NCAPG2: variants seen among roughly 807,000 people sequenced by gnomAD.
NCAPG2 encodes the protein condensin-2 complex subunit G2.
In NCAPG2, 53 loss-of-function variants were observed where a neutral mutation model predicts 141.1. That is an observed-to-expected ratio of 0.38 (90% CI 0.30 to 0.47). NCAPG2 has a LOEUF of 0.47. Among genes scored for constraint, NCAPG2 ranks in the 20% least tolerant of loss-of-function variants. The probability of loss-of-function intolerance (pLI) is 0.99; values close to 1 mark genes in which losing one functional copy is unlikely to be tolerated. For missense variants in NCAPG2, 1,087 were observed against 1,389.0 expected, an observed-to-expected ratio of 0.78 and a Z score of 3.46; for synonymous variants, 499 against 490.7, an observed-to-expected ratio of 1.02 and a Z score of -0.22.
chr7:158,663,593 G>C (rs895913048), intron 15 of NCAPG2, among the ~76,000 whole-genome samples: 2 of 152,226 alleles, frequency 1.3e-5, no homozygotes, highest in Non-Finnish European at 2.9e-5. Flanking sequence ...CCAGCTGTTA[G>C]GGGAGCACAC....
In NCAPG2 at chr7:158,658,382, G is replaced by T; in HGVS notation, c.2016C>A (p.Phe672Leu). 6.2e-7 allele frequency: 1 copy of T among 1,612,272 alleles called. No individual in the cohort carries two copies. The highest frequency in any genetic ancestry group is 2.2e-5 in the East Asian group (1 of 44,862). Residue 672 changes from phenylalanine (F) to leucine (L), a missense_variant, in exon 17 of 28, where the codon TTC becomes TTA. Coordinates refer to ENST00000356309, the MANE Select transcript of NCAPG2 (RefSeq NM_017760.7). ...AGGCCGGCATAAAGGACATTAGCAT[G>T]AATAAAGGGATCTTGCAGCGATCAT... ...FKDDRCKIPL[F>L]MLMSFMPASA...
At chr7:158,672,303 TATATATATATATATATATATATA>T in intron 12 of NCAPG2, among the ~76,000 whole-genome samples, 2 of 17,644 alleles carry the variant, frequency 1.1e-4, no homozygotes, top group African/African-American at 4.5e-4. Flanking sequence ...TATATATATA[TATATATATATATATATATATATA>T]TATTTTTTTT....
At chr7:158,704,591 C>G (rs1836051429) in intron 1 of NCAPG2, 133 bp downstream of exon 1, 1 of 152,664 alleles carries the variant, frequency 6.6e-6, no homozygotes. Context: ...ACTGCCCGCA[C>G]GCAGGTCGGC....
rs771062657 is a variant in NCAPG2, at chr7:158,654,619, G to A, written c.2722C>T (p.Arg908Trp). 12 of 1,613,960 alleles carry A rather than the reference G, an allele frequency of 7.4e-6. No homozygotes were observed. Among genetic ancestry groups the A allele is most frequent in the Non-Finnish European group, 9.3e-6 (11 of 1,179,938 alleles). The change falls in exon 22 of 28, where the codon CGG becomes TGG. Residue 908 changes from arginine to tryptophan, a missense_variant. Physicochemically the swap from Arg to Trp is moderately radical, Grantham distance 101 (BLOSUM62 -3). Transcript: ENST00000356309. ...DHQFQMQLLQ[R>W]SLGIMQTVKG... is the part of the protein sequence containing the mutation. ...CCTGTTTGCATGATTCCAAGACTCCGCTGTAAGAGTTGCATCTGAAACTGA... is the reference window on the plus strand; with the variant it reads ...CCTGTTTGCATGATTCCAAGACTCCACTGTAAGAGTTGCATCTGAAACTGA...
At chr7:158,672,290 G>A (rs149506444) in intron 12 of NCAPG2, among the ~76,000 whole-genome samples, 359 of 24,642 alleles carry the variant, frequency 0.015, 3 homozygotes, top group Middle Eastern at 0.059. Flanking sequence ...GTGTGTGTGT[G>A]TGTATATATA....
At chr7:158,682,448 C>T (rs563423724) in intron 9 of NCAPG2, among the ~76,000 whole-genome samples, 3 of 152,222 alleles carry the variant, frequency 2.0e-5, no homozygotes, top group African/African-American at 7.2e-5. Flanking sequence ...AGATAAATCT[C>T]TGGGTTCTTT....
chr7:158,685,617 G>T (rs1834709076), intron 8 of NCAPG2, among the ~76,000 whole-genome samples: 1 of 152,138 alleles, frequency 6.6e-6, no homozygotes, highest in South Asian at 2.1e-4. Context: ...TATGGAAATA[G>T]TTGTGACACT....
At position 158,664,225 on chromosome 7, in the gene NCAPG2, C is replaced by G; in HGVS notation, c.1774G>C (p.Asp592His). Residue 592 changes from aspartate to histidine, a missense_variant, in exon 15 of 28, where the codon GAC (aspartate) becomes CAC (histidine). By Grantham distance (81) the Asp-to-His change is moderately conservative. Coordinates refer to ENST00000356309, the MANE Select transcript of NCAPG2 (RefSeq NM_017760.7). ...TCCCTTCCGTCCTCTTCCTCCTCGT[C>G]CTCTGGAGGCTCTCTCACTGCCCTC... Reference protein sequence around the residue: ...IQRAVREPPEDEEEEDGREKE... With the variant: ...IQRAVREPPEHEEEEDGREKE... The G allele has an allele frequency of 5.0e-6, 8 of 1,613,778 alleles. No individual in the cohort carries two copies. Among genetic ancestry groups the G allele is most frequent in the Non-Finnish European group, 6.8e-6 (8 of 1,179,628 alleles).
intron 12 of NCAPG2, among the ~76,000 whole-genome samples, chr7:158,672,290 GTGTATATA>G (rs1354958212): frequency 3.6e-4 from 9 of 24,706 alleles, no homozygotes; most frequent in African/African-American, 1.5e-3. Flanking sequence ...GTGTGTGTGT[GTGTATATA>G]TATATATATA....
intron 24 of NCAPG2, among the ~76,000 whole-genome samples, chr7:158,649,416 C>T (rs1221962619): frequency 6.6e-6 from 1 of 152,128 alleles, no homozygotes; most frequent in Non-Finnish European, 1.5e-5. Flanking sequence ...CTCAACTCTG[C>T]ACAAAAGTAG....
At chr7:158,681,652 A>G (rs1408422798) in intron 9 of NCAPG2, among the ~76,000 whole-genome samples, 1 of 152,180 alleles carries the variant, frequency 6.6e-6, no homozygotes, top group Non-Finnish European at 1.5e-5. Context: ...GTGATAAGTG[A>G]CATTAGTCTA....
At position 158,658,416 on chromosome 7, in the gene NCAPG2, C is replaced by A. The variant is rs746090038; in HGVS notation, c.1990-8G>T. ...GATCTTGCAGCGATCATCCTAAAAG[C>A]GAAAAAAGAAAAACAAAACAAAGCA... On this transcript the variant is annotated splice_region_variant and splice_polypyrimidine_tract_variant and intron_variant, in intron 16 of 27. Transcript: ENST00000356309. The A allele has an allele frequency of 1.1e-5, 18 of 1,597,652 alleles. No individual in the cohort carries two copies. In the South Asian group the frequency reaches 1.7e-4, roughly 15 times the overall value.
chr7:158,644,839 T>A (rs1315602532), intron 26 of NCAPG2, among the ~76,000 whole-genome samples: 1 of 152,088 alleles, frequency 6.6e-6, no homozygotes. Context: ...AGTTAAGGAG[T>A]ATTCTTATCA....
chr7:158,683,503 G>T (rs1834568926), intron 8 of NCAPG2, 117 bp from the exon 9 acceptor site: 3 of 560,100 alleles, frequency 5.4e-6, no homozygotes, highest in Non-Finnish European at 8.6e-6. Context: ...TATTTCATGA[G>T]AAAAAAACCT....
At chr7:158,672,431 C>T (rs1432978460) in intron 12 of NCAPG2, among the ~76,000 whole-genome samples, 1 of 145,834 alleles carries the variant, frequency 6.9e-6, no homozygotes, top group African/African-American at 2.5e-5. Flanking sequence ...CAAGCTCTGC[C>T]TCCCGGGTTC....
At chr7:158,687,300 A>C in intron 7 of NCAPG2, 48 bp downstream of exon 7, 1 of 1,366,064 alleles carries the variant, frequency 7.3e-7, no homozygotes, top group East Asian at 2.3e-5. Context: ...GGAATCTTTC[A>C]AAACCAGATT....
chr7:158,703,983 T>C (rs548408613), intron 1 of NCAPG2, among the ~76,000 whole-genome samples: 5 of 151,462 alleles, frequency 3.3e-5, no homozygotes, highest in South Asian at 2.1e-4. Context: ...GCAGTTCCCA[T>C]GCCCAGGACA....
chr7:158,654,342 G>A (rs1368940321), intron 22 of NCAPG2, among the ~76,000 whole-genome samples: 1 of 152,134 alleles, frequency 6.6e-6, no homozygotes, highest in Non-Finnish European at 1.5e-5. Context: ...AGTCAGCCTG[G>A]CAACAAAGCT....
Position 158,660,401 on chromosome 7 carries a change from C to CTTTTTTTT in NCAPG2, c.1989+1785_1989+1792dup, listed in dbSNP as rs945928092. The stretch of plus-strand genomic sequence containing the variant: ...AGTCCCAGGTCATTATTTCAGCTTT[C>CTTTTTTTT]TTTTTTTTTTTTTTTTTTTTTTTTT... On this transcript the variant is annotated intron_variant, in intron 16 of 27. Transcript: ENST00000356309. 1.2e-3 allele frequency among the ~76,000 whole-genome samples: 85 copies of CTTTTTTTT among 72,794 alleles called. 6 individuals are homozygous for CTTTTTTTT. The highest frequency in any genetic ancestry group is 4.0e-3 in the African/African-American group (72 of 18,114). 47.8% of individuals were successfully genotyped at this position (72,794 alleles called of 152,430 possible).
Sources: allele counts gnomAD v4.1 joint callset (sites outside exome capture counted in the v4.1 genomes callset), GRCh38; gene constraint gnomAD v4.1.1; transcripts MANE v1.5; gene names NCBI Gene and HGNC (gene_info 2026-07-23, HGNC 2026-07-21).